The following EVI5 variants were observed in gnomAD, a reference collection of about 807,000 sequenced individuals.
EVI5 encodes ecotropic viral integration site 5, also known as ecotropic viral integration site 5 protein homolog.
A neutral mutation model predicts 112.0 loss-of-function variants in EVI5; 73 were observed. The observed-to-expected ratio is 0.65, with a 90% CI of 0.54 to 0.79. The LOEUF is 0.79. Ranked by LOEUF, EVI5 falls within the 30% of genes least tolerant of loss-of-function variation. EVI5 has a pLI of 0.00. For missense variants in EVI5, 900 were observed against 968.8 expected, an observed-to-expected ratio of 0.93 and a Z score of 0.94; for synonymous variants, 305 against 319.9, an observed-to-expected ratio of 0.95 and a Z score of 0.50.
At chr1:92,565,356 C>T (rs1480804562) in intron 18 of EVI5, among the ~76,000 whole-genome samples, 1 of 152,194 alleles carries the variant, frequency 6.6e-6, no homozygotes, top group Non-Finnish European at 1.5e-5. Flanking sequence ...CATTCAATAT[C>T]AGTACATATG....
At chr1:92,529,272 C>G (rs995860557) in intron 19 of EVI5, among the ~76,000 whole-genome samples, 3 of 152,206 alleles carry the variant, frequency 2.0e-5, no homozygotes, top group African/African-American at 7.2e-5. Context: ...ATATTATGCT[C>G]CTTACTTTGC....
intron 9 of EVI5, among the ~76,000 whole-genome samples, chr1:92,691,785 G>A (rs1409939049): frequency 6.6e-6 from 1 of 152,064 alleles, no homozygotes; most frequent in African/African-American, 2.4e-5. Context: ...AAAAAGAGAA[G>A]AAAAAGAACA....
rs199978047 is a variant in EVI5, at chr1:92,513,532, T to C, written c.*124A>G. 1.1e-4 allele frequency: 2 copies of C among 17,972 alleles called. No individual in the cohort carries two copies. Among genetic ancestry groups the C allele is most frequent in the Non-Finnish European group, 1.7e-4 (2 of 11,670 alleles). The allele number at this position is 17,972 out of a possible 1,614,324, so 1.1% of individuals were successfully genotyped here. A position where few individuals can be genotyped will look rare whatever the true frequency, so the allele number is the denominator to read the frequency against. The stretch of plus-strand genomic sequence containing the variant: ...TAAAATATATATATATATATATATA[T>C]ATATATATATATATATATATATATA... On this transcript the variant is annotated 3_prime_UTR_variant, in exon 20 of 20. Transcript: ENST00000684568.
intron 9 of EVI5, among the ~76,000 whole-genome samples, chr1:92,692,702 T>TAACA (rs1669686402): frequency 6.6e-6 from 1 of 152,202 alleles, no homozygotes; most frequent in Non-Finnish European, 1.5e-5. Flanking sequence ...AGCTAACTAA[T>TAACA]TTTAATAACA....
intron 1 of EVI5, among the ~76,000 whole-genome samples, chr1:92,776,669 ACT>A (rs1684176723): frequency 1.3e-5 from 2 of 148,228 alleles, no homozygotes; most frequent in East Asian, 3.9e-4. Context: ...AGTTTCACTC[ACT>A]GTCACCCAAG....
intron 18 of EVI5, among the ~76,000 whole-genome samples, chr1:92,590,120 A>C (rs1162884732): frequency 1.3e-5 from 2 of 151,988 alleles, no homozygotes; most frequent in African/African-American, 2.4e-5. Context: ...TCTGTACGTC[A>C]CCATCATCGA....
chr1:92,591,102 T>C (rs1488840739), intron 18 of EVI5, among the ~76,000 whole-genome samples: 1 of 151,914 alleles, frequency 6.6e-6, no homozygotes, highest in Non-Finnish European at 1.5e-5. Context: ...CTAAAAGAGC[T>C]CCTGAAGGAA....
At chr1:92,609,228 C>T (rs141304401) in intron 16 of EVI5, among the ~76,000 whole-genome samples, 11 of 152,270 alleles carry the variant, frequency 7.2e-5, no homozygotes, top group African/African-American at 2.6e-4. Flanking sequence ...AAAACTTGGC[C>T]AAGTTATTTA....
chr1:92,650,220 G>A (rs1661845223), intron 13 of EVI5, among the ~76,000 whole-genome samples: 1 of 152,070 alleles, frequency 6.6e-6, no homozygotes, highest in African/African-American at 2.4e-5. Flanking sequence ...AAAAGTCCAT[G>A]GGAATTTTGA....
chr1:92,546,993 C>A (rs568365056), intron 19 of EVI5, among the ~76,000 whole-genome samples: 2 of 152,166 alleles, frequency 1.3e-5, no homozygotes, highest in Non-Finnish European at 2.9e-5. Context: ...CTGCACCAAG[C>A]GAACCTAACA....
At chr1:92,726,953 CATAAAA>C in intron 2 of EVI5, among the ~76,000 whole-genome samples, 1 of 152,030 alleles carries the variant, frequency 6.6e-6, no homozygotes, top group East Asian at 1.9e-4. Flanking sequence ...ATAACAAAAT[CATAAAA>C]ATATTCAATA....
chr1:92,713,703 G>A (rs1299718955), intron 2 of EVI5, among the ~76,000 whole-genome samples: 2 of 152,122 alleles, frequency 1.3e-5, no homozygotes, highest in African/African-American at 4.8e-5. Flanking sequence ...CTTGAACCCA[G>A]GAGGCAGAGG....
intron 10 of EVI5, among the ~76,000 whole-genome samples, chr1:92,669,576 A>G (rs1168626880): frequency 6.7e-6 from 1 of 148,212 alleles, no homozygotes; most frequent in Non-Finnish European, 1.5e-5. Flanking sequence ...TGGGAAATTC[A>G]TATCTTTATA....
chr1:92,624,140 G>A (rs756286108), intron 16 of EVI5, 36 bp downstream of exon 16: 27 of 1,556,546 alleles, frequency 1.7e-5, no homozygotes, highest in Non-Finnish European at 2.4e-5. Context: ...ATCAGCTAAT[G>A]ATACTTTTTA....
At chr1:92,564,912 T>A (rs1390260852) in intron 18 of EVI5, among the ~76,000 whole-genome samples, 2 of 152,118 alleles carry the variant, frequency 1.3e-5, no homozygotes, top group African/African-American at 4.8e-5. Flanking sequence ...ACCCCTGACC[T>A]CAGGTGATCC....
At chr1:92,739,273 CAAAAAAAAA>C (rs72016918) in intron 1 of EVI5, among the ~76,000 whole-genome samples, 1 of 76,468 alleles carries the variant, frequency 1.3e-5, no homozygotes, top group Non-Finnish European at 2.4e-5. Context: ...AACTCCGTCT[CAAAAAAAAA>C]AAAAAAAAAA....
At chr1:92,558,811 G>A (rs1338902407) in intron 19 of EVI5, among the ~76,000 whole-genome samples, 2 of 148,402 alleles carry the variant, frequency 1.3e-5, no homozygotes, top group African/African-American at 5.0e-5. Context: ...AGGCCAGCCT[G>A]AGCAACATAG....
intron 10 of EVI5, among the ~76,000 whole-genome samples, chr1:92,666,579 G>C (rs1345412850): frequency 8.0e-6 from 1 of 125,378 alleles, no homozygotes; most frequent in Non-Finnish European, 1.7e-5. Context: ...GTGAAACCCT[G>C]TGTCCAAAAA....
chr1:92,681,130 G>A (rs1386219108), intron 9 of EVI5, among the ~76,000 whole-genome samples: 14 of 152,098 alleles, frequency 9.2e-5, no homozygotes, highest in African/African-American at 1.9e-4. Flanking sequence ...GGTTTTTGCC[G>A]TTGAAAGTAA....
Sources: gnomAD v4.1 joint callset for allele counts (sites outside exome capture counted in the v4.1 genomes callset) on GRCh38, gnomAD v4.1.1 for gene constraint, MANE v1.5 for transcripts, NCBI Gene and HGNC (gene_info 2026-07-23, HGNC 2026-07-21) for gene names.